The following ADARB2 variants were observed in gnomAD, a reference collection of about 807,000 sequenced individuals.
ADARB2 encodes inactive double-stranded RNA-specific editase B2.
ADARB2 carries 25 observed loss-of-function variants against 62.2 expected under a neutral mutation model. The ratio of observed to expected loss-of-function variants is 0.40; its 90% CI spans 0.29 to 0.56. ADARB2 has a LOEUF of 0.56. Ranked by LOEUF, ADARB2 falls within the 20% of genes least tolerant of loss-of-function variation. ADARB2 has a pLI of 0.43. For synonymous variants in ADARB2, 572 were observed against 500.8 expected, an observed-to-expected ratio of 1.14 and a Z score of -1.90; for missense variants, 1,071 against 1,077.4, an observed-to-expected ratio of 0.99 and a Z score of 0.08.
At chr10:1,565,703 T>A (rs1006208826) in intron 1 of ADARB2, among the ~76,000 whole-genome samples, 1 of 152,204 alleles carries the variant, frequency 6.6e-6, no homozygotes, top group African/African-American at 2.4e-5. Context: ...TTTTCCACAA[T>A]TTGTCCCGGC....
At position 1,232,694 on chromosome 10, in the gene ADARB2, G is replaced by A. The variant is rs542886518; in HGVS notation, c.1513+1000C>T. Among the ~76,000 whole-genome samples, 9 of 151,546 alleles carry A rather than the reference G, an allele frequency of 5.9e-5. No individual in the cohort carries two copies. The East Asian group carries it at 1.6e-3, about 26-fold the overall frequency. On this transcript the variant is annotated intron_variant, in intron 6 of 9. Transcript: ENST00000381312. ...GGTGCTTGTGACGTGTGTGGTATAT[G>A]TGGTGTGTGCAGTGTATGTGGTATG...
intron 1 of ADARB2, among the ~76,000 whole-genome samples, chr10:1,690,725 C>A (rs1834658717): frequency 6.6e-6 from 1 of 152,192 alleles, no homozygotes; most frequent in African/African-American, 2.4e-5. Context: ...CTGCTGACTG[C>A]ACCCCGTGGA....
chr10:1,548,955 G>C (rs1159802495), intron 1 of ADARB2, among the ~76,000 whole-genome samples: 2 of 152,150 alleles, frequency 1.3e-5, no homozygotes, highest in African/African-American at 4.8e-5. Context: ...ATCTGGCTGG[G>C]CCACAGGGGC....
chr10:1,292,594 G>A (rs558387259), intron 3 of ADARB2: 62 of 152,304 alleles, frequency 4.1e-4, no homozygotes, highest in African/African-American at 1.4e-3. Flanking sequence ...AAACCTTCAA[G>A]TTCTGTCGCC....
intron 6 of ADARB2, among the ~76,000 whole-genome samples, chr10:1,220,405 G>A (rs1474064379): frequency 6.6e-6 from 1 of 151,666 alleles, no homozygotes; most frequent in African/African-American, 2.4e-5. Flanking sequence ...TGATTGTGGT[G>A]GTGATGATGG....
At chr10:1,511,809 C>T (rs531258278) in intron 1 of ADARB2, among the ~76,000 whole-genome samples, 27 of 150,664 alleles carry the variant, frequency 1.8e-4, no homozygotes, top group South Asian at 6.3e-4. Context: ...GACACCAAGA[C>T]GTCAATGCTG....
At chr10:1,420,797 G>A (rs1300264896) in intron 1 of ADARB2, among the ~76,000 whole-genome samples, 4 of 152,046 alleles carry the variant, frequency 2.6e-5, no homozygotes, top group African/African-American at 9.7e-5. Context: ...GCCCGCCCAG[G>A]GCTAGCCACA....
chr10:1,373,891 G>A (rs1832398219), intron 2 of ADARB2, among the ~76,000 whole-genome samples: 1 of 150,816 alleles, frequency 6.6e-6, no homozygotes, highest in Non-Finnish European at 1.5e-5. Flanking sequence ...CGTGGGCTCC[G>A]CGCACCCTTC....
intron 1 of ADARB2, among the ~76,000 whole-genome samples, chr10:1,428,248 T>C (rs1019218294): frequency 2.6e-5 from 4 of 151,008 alleles, no homozygotes; most frequent in Admixed American, 2.6e-4. Flanking sequence ...GCTGGGATTA[T>C]AGGAGTGAGC....
chr10:1,375,283 G>A (rs959866305), intron 2 of ADARB2, among the ~76,000 whole-genome samples: 7 of 152,346 alleles, frequency 4.6e-5, no homozygotes, highest in African/African-American at 1.7e-4. Context: ...ACTCATGGCT[G>A]CTCAGTGTTG....
chr10:1,421,218 C>G (rs1832850248), intron 1 of ADARB2, among the ~76,000 whole-genome samples: 1 of 151,892 alleles, frequency 6.6e-6, no homozygotes. Flanking sequence ...ACAGTCAAAG[C>G]ACAGCCTGTG....
chr10:1,298,786 C>A (rs1831547424), intron 3 of ADARB2, among the ~76,000 whole-genome samples: 1 of 132,298 alleles, frequency 7.6e-6, no homozygotes, highest in Non-Finnish European at 1.5e-5. Flanking sequence ...TTTGCCCAGG[C>A]TGGAGTGCAG....
At chr10:1,460,111 C>T (rs71500107) in intron 1 of ADARB2, among the ~76,000 whole-genome samples, 457 of 32,820 alleles carry the variant, frequency 0.014, 19 homozygotes, top group African/African-American at 0.045. Flanking sequence ...AGTTTACCTG[C>T]GTTACGAACC....
chr10:1,501,061 G>C (rs993131014), intron 1 of ADARB2, among the ~76,000 whole-genome samples: 8 of 152,096 alleles, frequency 5.3e-5, no homozygotes, highest in African/African-American at 1.9e-4. Flanking sequence ...TTTTAGTAGA[G>C]ACGGGGTTTC....
intron 2 of ADARB2, among the ~76,000 whole-genome samples, chr10:1,375,020 A>C (rs1010818405): frequency 7.9e-5 from 12 of 152,128 alleles, no homozygotes; most frequent in African/African-American, 2.9e-4. Context: ...GGACACTGGC[A>C]GGCTGGGCAG....
At chr10:1,619,072 T>A (rs892124963) in intron 1 of ADARB2, among the ~76,000 whole-genome samples, 2 of 152,180 alleles carry the variant, frequency 1.3e-5, no homozygotes, top group African/African-American at 2.4e-5. Flanking sequence ...TACACTCAGT[T>A]ATTCAGGAAG....
chr10:1,404,674 G>A (rs1410323560), intron 1 of ADARB2, among the ~76,000 whole-genome samples: 1 of 152,172 alleles, frequency 6.6e-6, no homozygotes, highest in Non-Finnish European at 1.5e-5. Context: ...TCTTAAAGCT[G>A]CTCAGAGACC....
chr10:1,565,358 C>T (rs1331202766), intron 1 of ADARB2, among the ~76,000 whole-genome samples: 1 of 152,186 alleles, frequency 6.6e-6, no homozygotes, highest in Non-Finnish European at 1.5e-5. Context: ...TCATGAACCA[C>T]TATAAATACA....
intron 1 of ADARB2, among the ~76,000 whole-genome samples, chr10:1,462,804 CAT>C (rs1261169430): frequency 1.1e-4 from 17 of 151,196 alleles, no homozygotes; most frequent in African/African-American, 4.1e-4. Flanking sequence ...TGTGTATGTA[CAT>C]GTGTGTGTCT....
Sources: allele counts gnomAD v4.1 joint callset (sites outside exome capture counted in the v4.1 genomes callset), GRCh38; gene constraint gnomAD v4.1.1; transcripts MANE v1.5; gene names NCBI Gene and HGNC (gene_info 2026-07-23, HGNC 2026-07-21).